Variants in PCBP3 observed in about 807,000 individuals in gnomAD.
PCBP3 encodes the protein poly(rC) binding protein 3, also known as poly(rC)-binding protein 3.
Under a neutral mutation model 52.7 loss-of-function variants are expected in PCBP3, and 25 were observed. That is an observed-to-expected ratio of 0.47 (90% CI 0.35 to 0.66). The LOEUF is 0.66. Among genes scored for constraint, PCBP3 ranks in the 30% least tolerant of loss-of-function variants. The pLI is 0.01. For synonymous variants in PCBP3, 162 were observed against 183.0 expected, an observed-to-expected ratio of 0.89 and a Z score of 0.93; for missense variants, 391 against 490.3, an observed-to-expected ratio of 0.80 and a Z score of 1.91.
chr21:45,676,557 A>G (rs2081480322), intron 2 of PCBP3, among the ~76,000 whole-genome samples: 3 of 151,934 alleles, frequency 2.0e-5, no homozygotes, highest in Non-Finnish European at 2.9e-5. Context: ...CTTTGTTACT[A>G]TTGTAATTAT....
In PCBP3 at chr21:45,865,367, T is replaced by G. The variant is rs539678901; in HGVS notation, c.10+15272T>G. ...TTAGGGGAGAATGCGTACCGCTATC[T>G]CCAGGAACAAAGCATGCCCTGCGCG... On this transcript the variant is annotated intron_variant, in intron 5 of 17. Transcript: ENST00000681687. 9.2e-5 allele frequency among the ~76,000 whole-genome samples: 14 copies of G among 152,306 alleles called. No individual in the cohort carries two copies. The South Asian group carries it at 2.9e-3, about 32-fold the overall frequency.
At chr21:45,753,986 A>G (rs1398220963) in intron 3 of PCBP3, among the ~76,000 whole-genome samples, 1 of 152,218 alleles carries the variant, frequency 6.6e-6, no homozygotes, top group Non-Finnish European at 1.5e-5. Flanking sequence ...TCTAAAATGC[A>G]TCGTGGTGAG....
At chr21:45,794,852 C>T (rs1002463729) in intron 4 of PCBP3, among the ~76,000 whole-genome samples, 1 of 151,920 alleles carries the variant, frequency 6.6e-6, no homozygotes, top group African/African-American at 2.4e-5. Context: ...TGGCGTGAAC[C>T]CGGGAGGCGG....
At position 45,656,394 on chromosome 21, in the gene PCBP3, C is replaced by A. The variant is rs536079463; in HGVS notation, c.-278-12480C>A. Among the ~76,000 whole-genome samples, 10 of 152,238 alleles carry A rather than the reference C, an allele frequency of 6.6e-5. No homozygotes were observed. The East Asian group carries it at 1.7e-3, about 26-fold the overall frequency. On this transcript the variant is annotated intron_variant, in intron 1 of 17. Coordinates refer to ENST00000681687, the MANE Select transcript of PCBP3 (RefSeq NM_001384156.1). The surrounding 1 kb of genome is among the most constrained non-coding windows in gnomAD (Gnocchi z 4.3). ...CATTCTCAGCAAACTAACACAAGAA[C>A]AGAAAACCAAACACCGCATGTTCTC...
intron 2 of PCBP3, among the ~76,000 whole-genome samples, chr21:45,709,550 G>T (rs906439071): frequency 3.3e-5 from 5 of 151,422 alleles, no homozygotes; most frequent in Admixed American, 3.3e-4. Context: ...CTAAGACGGG[G>T]ACCTTTTTTT....
chr21:45,939,966 G>A (rs2077285028), intron 16 of PCBP3, 64 bp from the exon 17 acceptor site: 1 of 1,500,350 alleles, frequency 6.7e-7, no homozygotes, highest in Non-Finnish European at 9.2e-7. Context: ...CGGGCGCACT[G>A]CCCACAGTCT....
intron 4 of PCBP3, among the ~76,000 whole-genome samples, chr21:45,814,951 GAGTGAGT>G (rs2092832057): frequency 8.5e-6 from 1 of 117,358 alleles, no homozygotes; most frequent in African/African-American, 3.3e-5. Context: ...GATGAGTGGT[GAGTGAGT>G]GGTGAGTGGT....
intron 2 of PCBP3, among the ~76,000 whole-genome samples, chr21:45,679,290 T>C (rs558162442): frequency 3.3e-5 from 5 of 152,042 alleles, no homozygotes; most frequent in Non-Finnish European, 7.4e-5. Flanking sequence ...CCAGCTAATT[T>C]TTATATTTTT....
chr21:45,864,006 T>C (rs1341880206), intron 5 of PCBP3, among the ~76,000 whole-genome samples: 2 of 152,208 alleles, frequency 1.3e-5, no homozygotes, highest in Non-Finnish European at 2.9e-5. Context: ...ACAGGGTTCC[T>C]TCTGAGGACC....
rs1329385310 is a variant in PCBP3 at position 45,805,328 on chromosome 21, A to C, written c.-125-44633A>C. Reference sequence around the variant, plus strand: ...CCCCCAGGTGGTGTCTGGGGGGGAAAGTAATTGGAAGATTATGGGTGGGTG... The same window carrying C: ...CCCCCAGGTGGTGTCTGGGGGGGAACGTAATTGGAAGATTATGGGTGGGTG... On this transcript the variant is annotated intron_variant, in intron 4 of 17. Coordinates refer to ENST00000681687, the MANE Select transcript of PCBP3 (RefSeq NM_001384156.1). This position sits in a 1 kb window ranked among gnomAD's most constrained non-coding sequence, Gnocchi z 4.6. Among the ~76,000 whole-genome samples, 1 of 151,986 alleles carries C rather than the reference A, an allele frequency of 6.6e-6. No individual in the cohort carries two copies. Among genetic ancestry groups the C allele is most frequent in the Non-Finnish European group, 1.5e-5 (1 of 67,988 alleles).
chr21:45,823,740 A>G (rs1027193067), intron 4 of PCBP3, among the ~76,000 whole-genome samples: 4 of 149,808 alleles, frequency 2.7e-5, no homozygotes, highest in African/African-American at 9.9e-5. Context: ...TTTATTTTTT[A>G]ATTTTTATTT....
At chr21:45,879,179 C>G (rs1466233558) in intron 5 of PCBP3, among the ~76,000 whole-genome samples, 1 of 152,092 alleles carries the variant, frequency 6.6e-6, no homozygotes, top group Admixed American at 6.6e-5. Context: ...GAGATGAGGT[C>G]TCTCTGTGTT....
intron 4 of PCBP3, among the ~76,000 whole-genome samples, chr21:45,804,404 A>T (rs764014302): frequency 1.3e-5 from 2 of 152,170 alleles, no homozygotes; most frequent in Non-Finnish European, 2.9e-5. Flanking sequence ...AAAGGCTTTG[A>T]GGTGGTGTAC....
chr21:45,787,390 G>A (rs923454787), intron 4 of PCBP3, among the ~76,000 whole-genome samples: 48 of 151,766 alleles, frequency 3.2e-4, no homozygotes, highest in African/African-American at 1.1e-3. Context: ...GACTACAGGC[G>A]CGTGTCACCA....
At chr21:45,644,982 C>T (rs996858678) in intron 1 of PCBP3, among the ~76,000 whole-genome samples, 14 of 152,196 alleles carry the variant, frequency 9.2e-5, no homozygotes. Flanking sequence ...AACTCCCAGT[C>T]CTCCTCATAT....
At chr21:45,778,349 C>G (rs1334495330) in intron 4 of PCBP3, among the ~76,000 whole-genome samples, 2 of 152,262 alleles carry the variant, frequency 1.3e-5, no homozygotes, top group Non-Finnish European at 2.9e-5. Flanking sequence ...CCCAGGGTGG[C>G]ATATCCTGGC....
At chr21:45,659,724 G>A (rs144537337) in intron 1 of PCBP3, among the ~76,000 whole-genome samples, 123 of 152,146 alleles carry the variant, frequency 8.1e-4, no homozygotes, top group African/African-American at 2.9e-3. Flanking sequence ...ATTTAGCAGT[G>A]TATTGTTAAA....
At chr21:45,832,818 A>G (rs1191036455) in intron 4 of PCBP3, among the ~76,000 whole-genome samples, 2 of 152,224 alleles carry the variant, frequency 1.3e-5, no homozygotes, top group Non-Finnish European at 2.9e-5. Context: ...GGGAGGCCTC[A>G]GGAAACTTAG....
At chr21:45,646,067 C>CTG (rs2079236741) in intron 1 of PCBP3, among the ~76,000 whole-genome samples, 1 of 121,960 alleles carries the variant, frequency 8.2e-6, no homozygotes, top group Non-Finnish European at 1.7e-5. Flanking sequence ...CTCTCTCTCT[C>CTG]TCTCTCTCTC....
Sources: allele counts gnomAD v4.1 joint callset (sites outside exome capture counted in the v4.1 genomes callset), GRCh38; gene constraint gnomAD v4.1.1; non-coding constraint Gnocchi (gnomAD v3.1); transcripts MANE v1.5; gene names NCBI Gene and HGNC (gene_info 2026-07-23, HGNC 2026-07-21).